The following PIP5K1A variants were observed in gnomAD, a reference collection of about 807,000 sequenced individuals.
The protein encoded by PIP5K1A is phosphatidylinositol 4-phosphate 5-kinase type-1 alpha.
Under a neutral mutation model 72.9 loss-of-function variants are expected in PIP5K1A, and 46 were observed. The ratio of observed to expected loss-of-function variants is 0.63; its 90% confidence interval spans 0.50 to 0.81. The LOEUF (loss-of-function observed/expected upper bound fraction) is 0.81, where lower values mean the gene tolerates loss of function less well. Among genes scored for constraint, PIP5K1A ranks in the 30% least tolerant of loss-of-function variants. The pLI is 0.00. For synonymous variants in PIP5K1A, 228 were observed against 255.1 expected (o/e 0.89, Z 1.01); for missense variants, 458 against 706.1 (o/e 0.65, Z 3.98).
At chr1:151,225,099 C>T (rs925550526) in intron 3 of PIP5K1A, among the ~76,000 whole-genome samples, 2 of 152,148 alleles carry the variant, frequency 1.3e-5, no homozygotes, top group East Asian at 1.9e-4. Flanking sequence ...CTTTGGGAGG[C>T]CAAGGTGAGA....
intron 7 of PIP5K1A, among the ~76,000 whole-genome samples, chr1:151,233,047 C>T (rs900146021): frequency 4.0e-5 from 6 of 150,162 alleles, no homozygotes; most frequent in Non-Finnish European, 5.9e-5. Flanking sequence ...TTGCAGTGAG[C>T]CGAGATCCTG....
intron 1 of PIP5K1A, among the ~76,000 whole-genome samples, chr1:151,204,449 T>A (rs997683224): frequency 6.6e-6 from 1 of 152,234 alleles, no homozygotes; most frequent in African/African-American, 2.4e-5. Flanking sequence ...AGTGCTGGTA[T>A]TACAGGCGTG....
intron 10 of PIP5K1A, 25 bp downstream of exon 10, chr1:151,238,290 T>A (rs761403292): frequency 7.2e-7 from 1 of 1,397,312 alleles, no homozygotes; most frequent in Non-Finnish European, 1.0e-6. Flanking sequence ...GATCCCAAAT[T>A]AAGAGAGGGT....
upstream of PIP5K1A, among the ~76,000 whole-genome samples, chr1:151,196,367 T>G (rs1432017057): frequency 6.6e-6 from 1 of 152,010 alleles, no homozygotes; most frequent in Non-Finnish European, 1.5e-5. Flanking sequence ...GTGGAGGGTA[T>G]AGGTACAGGG....
intron 1 of PIP5K1A, among the ~76,000 whole-genome samples, chr1:151,214,000 T>C (rs1687224176): frequency 6.6e-6 from 1 of 152,210 alleles, no homozygotes; most frequent in Admixed American, 6.6e-5. Flanking sequence ...CTTTTCTATG[T>C]GTATAAGTTC....
intron 7 of PIP5K1A, chr1:151,233,915 T>G: frequency 2.6e-6 from 1 of 382,890 alleles, no homozygotes; most frequent in African/African-American, 2.1e-5. Context: ...GGGCAGAGAG[T>G]GTCGTCTTCT....
At chr1:151,219,638 G>T (rs587672488) in intron 1 of PIP5K1A, among the ~76,000 whole-genome samples, 1 of 152,066 alleles carries the variant, frequency 6.6e-6, no homozygotes, top group African/African-American at 2.4e-5. Flanking sequence ...AGGTTGCGGT[G>T]ATCCGAGATT....
At chr1:151,220,367 A>C (rs1018935342) in intron 1 of PIP5K1A, among the ~76,000 whole-genome samples, 1 of 151,674 alleles carries the variant, frequency 6.6e-6, no homozygotes, top group Non-Finnish European at 1.5e-5. Flanking sequence ...GACTTGCTTT[A>C]TTTTCTTCTG....
intron 1 of PIP5K1A, among the ~76,000 whole-genome samples, chr1:151,210,455 G>A (rs1335788692): frequency 6.6e-6 from 1 of 151,776 alleles, no homozygotes; most frequent in African/African-American, 2.4e-5. Flanking sequence ...TCAAAGTGCT[G>A]GAATTACAGG....
At chr1:151,236,829 T>TTC (rs1430762785) in intron 9 of PIP5K1A, 66 bp downstream of exon 9, 1 of 1,073,212 alleles carries the variant, frequency 9.3e-7, no homozygotes, top group East Asian at 2.6e-5. Context: ...TTCTTTTTTT[T>TTC]TTTTTTTTTT....
intron 12 of PIP5K1A, 123 bp downstream of exon 12, chr1:151,240,162 C>T: frequency 2.8e-6 from 2 of 720,000 alleles, no homozygotes; most frequent in Non-Finnish European, 2.5e-6. Flanking sequence ...CTTCCACCTA[C>T]ATCCCATGAG....
intron 1 of PIP5K1A, among the ~76,000 whole-genome samples, chr1:151,206,899 A>G (rs1186292263): frequency 6.6e-6 from 1 of 150,748 alleles, no homozygotes; most frequent in African/African-American, 2.4e-5. Context: ...GGGTTTCGCC[A>G]TGTTCGCCAG....
At chr1:151,208,737 TTTTTTTTTTTTTG>T (rs1189677389) in intron 1 of PIP5K1A, among the ~76,000 whole-genome samples, 38 of 127,852 alleles carry the variant, frequency 3.0e-4, no homozygotes, top group African/African-American at 1.2e-3. Flanking sequence ...TTTTTTTTTT[TTTTTTTTTTTTTG>T]GAGACGGAGT....
intron 3 of PIP5K1A, 160 bp from the exon 4 acceptor site, chr1:151,227,160 A>G (rs1689271115): frequency 1.9e-6 from 1 of 520,950 alleles, no homozygotes; most frequent in Non-Finnish European, 3.4e-6. Context: ...AACCAACATT[A>G]TAGCTGTATA....
At chr1:151,217,403 G>A (rs1415953034) in intron 1 of PIP5K1A, among the ~76,000 whole-genome samples, 1 of 152,094 alleles carries the variant, frequency 6.6e-6, no homozygotes, top group Non-Finnish European at 1.5e-5. Context: ...CTTAAAACCG[G>A]GTTAAATGTT....
At chr1:151,195,884 A>ATTTTTTTTTTT, upstream of PIP5K1A, among the ~76,000 whole-genome samples, 175 of 62,306 alleles carry the variant, frequency 2.8e-3, 58 homozygotes, top group East Asian at 3.5e-3. Context: ...ACACCAGCCG[A>ATTTTTTTTTTT]TTTTTTTTTT....
chr1:151,205,605 C>T (rs956615589), intron 1 of PIP5K1A, among the ~76,000 whole-genome samples: 2 of 151,780 alleles, frequency 1.3e-5, no homozygotes, highest in African/African-American at 4.8e-5. Flanking sequence ...TCAGGAGTTC[C>T]AGACCAGCCT....
intron 14 of PIP5K1A, among the ~76,000 whole-genome samples, chr1:151,245,222 G>T (rs1044679231): frequency 1.3e-5 from 2 of 152,040 alleles, no homozygotes; most frequent in Admixed American, 6.6e-5. Context: ...GGAAATCTCC[G>T]TAGCTAGATT....
upstream of PIP5K1A, chr1:151,198,062 C>T (rs149206024): frequency 2.8e-5 from 13 of 471,014 alleles, no homozygotes; most frequent in African/African-American, 1.8e-4. Flanking sequence ...CAGTGCCTAA[C>T]TTTGTGCTTG....
Sources: allele counts gnomAD v4.1 joint callset (sites outside exome capture counted in the v4.1 genomes callset), GRCh38; gene constraint gnomAD v4.1.1; transcripts MANE v1.5; gene names NCBI Gene and HGNC (gene_info 2026-07-23, HGNC 2026-07-21).